TNKS: variants seen among roughly 807,000 people sequenced by gnomAD.
TNKS encodes the protein poly [ADP-ribose] polymerase tankyrase-1.
TNKS carries 72 observed loss-of-function variants against 135.8 expected under a neutral mutation model. The observed-to-expected ratio is 0.53, with a 90% confidence interval of 0.44 to 0.64. The LOEUF (loss-of-function observed/expected upper bound fraction) is 0.64, where lower values mean the gene tolerates loss of function less well. TNKS is among the 30% of genes least tolerant of loss of function. The pLI is 0.00. For missense variants in TNKS, 1,769 were observed against 1,674.0 expected, an observed-to-expected ratio of 1.06 and a Z score of -0.99; for synonymous variants, 849 against 649.3, an observed-to-expected ratio of 1.31 and a Z score of -4.68.
intron 17 of TNKS, among the ~76,000 whole-genome samples, chr8:9,744,165 G>C (rs890839359): frequency 2.0e-5 from 3 of 152,136 alleles, no homozygotes; most frequent in African/African-American, 4.8e-5. Context: ...GTTGATATTA[G>C]TGGTAGTGTG....
chr8:9,720,284 AT>A (rs72301704), intron 11 of TNKS, 89 bp from the exon 12 acceptor site: 24 of 1,154,874 alleles, frequency 2.1e-5, no homozygotes, highest in African/African-American at 4.8e-5. Context: ...TTGAAAGTTG[AT>A]TTTTTTTTCA....
At chr8:9,627,355 C>A (rs747490704) in intron 3 of TNKS, among the ~76,000 whole-genome samples, 8 of 152,182 alleles carry the variant, frequency 5.3e-5, no homozygotes, top group Non-Finnish European at 1.0e-4. Context: ...AAGAGGAGGT[C>A]ATGGGAACCC....
chr8:9,770,088 T>G lies in TNKS; in HGVS notation c.3741-18T>G, dbSNP rs1469918218. ...TTTAAAGCTTCCTTCAAAGCATTGT[T>G]TTTTTCTTTTTCCTTAGACAAATGC... On this transcript the variant is annotated intron_variant, in intron 25 of 26. Coordinates refer to ENST00000310430, the MANE Select transcript of TNKS (RefSeq NM_003747.3). The G allele has an allele frequency of 4.4e-6, 7 of 1,582,890 alleles. No individual in the cohort carries two copies. The highest frequency in any genetic ancestry group is 6.0e-6 in the Non-Finnish European group (7 of 1,162,010).
chr8:9,625,122 T>C (rs2128769140), intron 3 of TNKS, among the ~76,000 whole-genome samples: 1 of 152,182 alleles, frequency 6.6e-6, no homozygotes, highest in South Asian at 2.1e-4. Flanking sequence ...ACTAATTGGG[T>C]TATTTATTTC....
chr8:9,623,711 A>C (rs916587207), intron 3 of TNKS, among the ~76,000 whole-genome samples: 1 of 152,142 alleles, frequency 6.6e-6, no homozygotes, highest in Non-Finnish European at 1.5e-5. Flanking sequence ...AATAGAAACT[A>C]ACTTTCTGGG....
At chr8:9,762,326 G>C (rs774839466) in intron 21 of TNKS, among the ~76,000 whole-genome samples, 1 of 152,172 alleles carries the variant, frequency 6.6e-6, no homozygotes, top group African/African-American at 2.4e-5. Flanking sequence ...ATTCAAACTG[G>C]AAGATTTTGT....
chr8:9,651,185 G>A (rs906446889), intron 3 of TNKS, among the ~76,000 whole-genome samples: 1 of 151,978 alleles, frequency 6.6e-6, no homozygotes, highest in Non-Finnish European at 1.5e-5. Flanking sequence ...CTTTTATTTG[G>A]AGTAGTACAA....
intron 3 of TNKS, among the ~76,000 whole-genome samples, chr8:9,660,443 C>A (rs1407393863): frequency 6.6e-6 from 1 of 152,138 alleles, no homozygotes; most frequent in Non-Finnish European, 1.5e-5. Context: ...ATACGAAAAT[C>A]AATAAACGTA....
At chr8:9,700,747 A>C (rs1191681615) in intron 5 of TNKS, among the ~76,000 whole-genome samples, 2 of 150,808 alleles carry the variant, frequency 1.3e-5, no homozygotes, top group Non-Finnish European at 1.5e-5. Flanking sequence ...TCACCCTTCA[A>C]CTCCATTTTT....
intron 3 of TNKS, among the ~76,000 whole-genome samples, chr8:9,634,799 A>G (rs1029650792): frequency 1.3e-5 from 2 of 151,808 alleles, no homozygotes; most frequent in Admixed American, 1.3e-4. Context: ...AAAGACACCA[A>G]AACTTTGAAA....
At position 9,761,598 on chromosome 8, in the gene TNKS, T is replaced by C; in HGVS notation, c.3236T>C (p.Leu1079Ser). 1 of 1,599,396 alleles carries C rather than the reference T, an allele frequency of 6.3e-7. No individual in the cohort carries two copies. The highest frequency in any genetic ancestry group is 2.2e-5 in the East Asian group (1 of 44,698). Residue 1079 changes from leucine (L) to serine (S), a missense_variant, in exon 21 of 27, where the codon TTA becomes TCA. By Grantham distance (145) the Leu-to-Ser change is moderately radical. Coordinates refer to ENST00000310430, the MANE Select transcript of TNKS (RefSeq NM_003747.3). Reference protein sequence around the residue: ...GINAYGHRHKLIKGVERLLGG... With the variant: ...GINAYGHRHKSIKGVERLLGG... ...AATGCATATGGGCACCGCCACAAAT[T>C]AATCAAAGGAGTAGAAAGACTCTTA...
intron 2 of TNKS, among the ~76,000 whole-genome samples, chr8:9,608,653 T>A (rs531951433): frequency 1.3e-5 from 2 of 152,296 alleles, no homozygotes; most frequent in East Asian, 3.9e-4. Flanking sequence ...TGGGGCCTGC[T>A]CTCTGCACAG....
At chr8:9,586,048 A>C (rs1290299931) in intron 2 of TNKS, among the ~76,000 whole-genome samples, 2 of 152,160 alleles carry the variant, frequency 1.3e-5, no homozygotes, top group African/African-American at 4.8e-5. Flanking sequence ...ACCCTTGTAC[A>C]ATAGCTGTAT....
chr8:9,573,052 A>C (rs1797818444), intron 1 of TNKS, among the ~76,000 whole-genome samples: 3 of 151,110 alleles, frequency 2.0e-5, no homozygotes, highest in South Asian at 4.2e-4. Context: ...ATATATAGCA[A>C]GCCATTCTCA....
At chr8:9,740,493 G>T (rs1805884688) in intron 17 of TNKS, among the ~76,000 whole-genome samples, 1 of 152,158 alleles carries the variant, frequency 6.6e-6, no homozygotes, top group Non-Finnish European at 1.5e-5. Context: ...ACAAAGACCT[G>T]TATTTCAGAG....
At chr8:9,689,869 A>C (rs1162396522) in intron 5 of TNKS, among the ~76,000 whole-genome samples, 20 of 152,228 alleles carry the variant, frequency 1.3e-4, no homozygotes. Flanking sequence ...TAATTATTAA[A>C]TGCCGATCAG....
intron 2 of TNKS, among the ~76,000 whole-genome samples, chr8:9,589,497 A>T (rs1207031347): frequency 6.6e-6 from 1 of 152,256 alleles, no homozygotes; most frequent in African/African-American, 2.4e-5. Context: ...TTCTCATTAG[A>T]ATCCTCCCTT....
intron 3 of TNKS, among the ~76,000 whole-genome samples, chr8:9,676,376 A>T (rs964336873): frequency 4.6e-5 from 7 of 152,056 alleles, no homozygotes; most frequent in African/African-American, 1.7e-4. Context: ...TAGTCTTTCC[A>T]TGCTATTCCA....
chr8:9,707,066 A>C (rs1199687152), intron 8 of TNKS, 69 bp downstream of exon 8: 2 of 1,305,174 alleles, frequency 1.5e-6, no homozygotes, highest in East Asian at 5.2e-5. Flanking sequence ...AGTTTTATCT[A>C]CCTTAAATAA....
Sources: gnomAD v4.1 joint callset for allele counts (sites outside exome capture counted in the v4.1 genomes callset) on GRCh38, gnomAD v4.1.1 for gene constraint, MANE v1.5 for transcripts, NCBI Gene and HGNC (gene_info 2026-07-23, HGNC 2026-07-21) for gene names.